DHCR24: variants seen among roughly 807,000 people sequenced by gnomAD.
DHCR24 encodes delta(24)-sterol reductase.
A neutral mutation model predicts 61.2 loss-of-function variants in DHCR24; 28 were observed. The ratio of observed to expected loss-of-function variants is 0.46; its 90% CI spans 0.34 to 0.63. DHCR24 has a LOEUF of 0.63. Ranked by LOEUF, DHCR24 falls within the 20% of genes least tolerant of loss-of-function variation. The probability of loss-of-function intolerance (pLI) is 0.01; values close to 1 mark genes in which losing one functional copy is unlikely to be tolerated. For missense variants in DHCR24, 538 were observed against 679.1 expected (o/e 0.79, Z 2.31); for synonymous variants, 261 against 275.9 (o/e 0.95, Z 0.54).
At chr1:54,867,498 G>T (rs1425740137) in intron 5 of DHCR24, among the ~76,000 whole-genome samples, 1 of 152,048 alleles carries the variant, frequency 6.6e-6, no homozygotes, top group Non-Finnish European at 1.5e-5. Context: ...GTGCCTCACA[G>T]TCTTCTCCTT....
intron 6 of DHCR24, among the ~76,000 whole-genome samples, chr1:54,864,609 G>A (rs1165358989): frequency 6.6e-6 from 1 of 152,172 alleles, no homozygotes; most frequent in Non-Finnish European, 1.5e-5. Flanking sequence ...CTACACAGAG[G>A]TAGTGGTTGC....
chr1:54,852,201 A>C lies in DHCR24; in HGVS notation c.*32T>G. ...GTGAAGGGAAGATGCCTGACCACTC[A>C]CACGTGTCTGTCTCTCCAGGCGGGC... is the stretch of plus-strand genomic sequence containing the variant. On this transcript the variant is annotated 3_prime_UTR_variant, in exon 9 of 9. Coordinates refer to ENST00000371269, the MANE Select transcript of DHCR24 (RefSeq NM_014762.4). 1 of 1,613,798 alleles carries C rather than the reference A, an allele frequency of 6.2e-7. No individual in the cohort carries two copies. The highest frequency in any genetic ancestry group is 8.5e-7 in the Non-Finnish European group (1 of 1,179,908).
intron 5 of DHCR24, among the ~76,000 whole-genome samples, chr1:54,869,042 G>A (rs745355109): frequency 6.6e-6 from 1 of 152,178 alleles, no homozygotes; most frequent in African/African-American, 2.4e-5. Flanking sequence ...ACTCCAGTCT[G>A]GGTGACAGAG....
chr1:54,853,183 T>TGG (rs11428724), intron 8 of DHCR24, among the ~76,000 whole-genome samples: 9 of 151,704 alleles, frequency 5.9e-5, no homozygotes, highest in African/African-American at 1.5e-4. Context: ...CTGGGGCTGC[T>TGG]GGGGGGGTGT....
chr1:54,864,205 T>C (rs377295294), intron 6 of DHCR24, among the ~76,000 whole-genome samples: 6 of 152,210 alleles, frequency 3.9e-5, no homozygotes, highest in African/African-American at 1.4e-4. Context: ...CCTAGTTCTA[T>C]ATCCCAAAGA....
chr1:54,884,373 G>T (rs1647081275), intron 1 of DHCR24, among the ~76,000 whole-genome samples: 1 of 152,154 alleles, frequency 6.6e-6, no homozygotes, highest in Admixed American at 6.5e-5. Context: ...ACATGCCAAG[G>T]CCTGTTTAAA....
At chr1:54,872,068 C>T (rs910529636) in intron 4 of DHCR24, among the ~76,000 whole-genome samples, 12 of 152,168 alleles carry the variant, frequency 7.9e-5, no homozygotes, top group Non-Finnish European at 1.8e-4. Context: ...AAGGCCTTTC[C>T]CAGTCCATCG....
chr1:54,876,131 C>A, intron 2 of DHCR24, 84 bp from the exon 3 acceptor site: 1 of 959,540 alleles, frequency 1.0e-6, no homozygotes, highest in South Asian at 1.3e-5. Flanking sequence ...GGTGTCATCT[C>A]AAACCTTCCC....
chr1:54,860,019 G>A (rs556951281), intron 6 of DHCR24, among the ~76,000 whole-genome samples: 7 of 152,170 alleles, frequency 4.6e-5, no homozygotes, highest in Admixed American at 1.3e-4. Flanking sequence ...TAAGACTAAT[G>A]GGTGTGGGGG....
In DHCR24 at chr1:54,849,761, C is replaced by T. The variant is rs1646864407; in HGVS notation, c.*2472G>A. 1.3e-5 allele frequency: 2 copies of T among 152,662 alleles called. No individual in the cohort carries two copies. The highest frequency in any genetic ancestry group is 2.1e-4 in the South Asian group (1 of 4,836). The allele number at this position is 152,662 out of a possible 1,614,324, so 9.5% of individuals were successfully genotyped here. A position where few individuals can be genotyped will look rare whatever the true frequency, so the allele number is the denominator to read the frequency against. ...GAAGATTCATGCCTTTCTCCTTGGCCCCCATGACCAAAGAAGAAAATAAAA... is the reference window on the plus strand; with the variant it reads ...GAAGATTCATGCCTTTCTCCTTGGCTCCCATGACCAAAGAAGAAAATAAAA... On this transcript the variant is annotated 3_prime_UTR_variant, in exon 9 of 9. Transcript: ENST00000371269.
At chr1:54,871,648 C>A (rs748700105) in intron 4 of DHCR24, 35 bp from the exon 5 acceptor site, 5 of 1,613,908 alleles carry the variant, frequency 3.1e-6, no homozygotes, top group Non-Finnish European at 4.2e-6. Context: ...TGAGCTGAAA[C>A]CTTGGGCCCC....
In DHCR24 at chr1:54,870,493, C is replaced by T. The variant is rs149258385; in HGVS notation, c.876+857G>A. Among the ~76,000 whole-genome samples the T allele has an allele frequency of 1.7e-4, 26 of 152,292 alleles. No individual in the cohort carries two copies. The East Asian group carries it at 4.3e-3, about 25-fold the overall frequency. ...AATCCATGAATGCTCAAGTCCCTTA[C>T]ATAAAATGATTTAGTATTTGCATAT... On this transcript the variant is annotated intron_variant, in intron 5 of 8. Transcript: ENST00000371269.
chr1:54,857,980 G>T (rs1029210226), intron 6 of DHCR24, among the ~76,000 whole-genome samples: 1 of 152,228 alleles, frequency 6.6e-6, no homozygotes, highest in Non-Finnish European at 1.5e-5. Context: ...TCATTCCAGG[G>T]CCTTACTCAT....
At chr1:54,861,141 C>T (rs1646935979) in intron 6 of DHCR24, among the ~76,000 whole-genome samples, 1 of 152,098 alleles carries the variant, frequency 6.6e-6, no homozygotes, top group South Asian at 2.1e-4. Flanking sequence ...CACAACATAC[C>T]CTGGAGGAGG....
chr1:54,868,341 G>A (rs1646978940), intron 5 of DHCR24, among the ~76,000 whole-genome samples: 1 of 150,944 alleles, frequency 6.6e-6, no homozygotes, highest in African/African-American at 2.4e-5. Context: ...GTGGTGGTGG[G>A]CGCCTGTAGT....
Position 54,852,076 on chromosome 1 carries a change from C to G in DHCR24, c.*157G>C, listed in dbSNP as rs1237941191. The G allele has an allele frequency of 1.2e-6, 1 of 822,554 alleles. No individual in the cohort carries two copies. The highest frequency in any genetic ancestry group is 1.7e-5 in the African/African-American group (1 of 58,696). The allele number at this position is 822,554 out of a possible 1,614,324, so 51.0% of individuals were successfully genotyped here. ...ATTCTTTCCATTCCACTGGGCTGCC[C>G]CCTGGAAGCCAGGAGGAAGGTGGTG... On this transcript the variant is annotated 3_prime_UTR_variant, in exon 9 of 9. Coordinates refer to ENST00000371269, the MANE Select transcript of DHCR24 (RefSeq NM_014762.4).
chr1:54,873,401 G>A (rs1647009794), intron 4 of DHCR24, among the ~76,000 whole-genome samples: 1 of 152,170 alleles, frequency 6.6e-6, no homozygotes, highest in African/African-American at 2.4e-5. Flanking sequence ...ATTGGTTTAT[G>A]TATTCACTAC....
At chr1:54,852,457 T>G in intron 8 of DHCR24, 71 bp from the exon 9 acceptor site, 1 of 1,546,822 alleles carries the variant, frequency 6.5e-7, no homozygotes, top group Non-Finnish European at 8.9e-7. Flanking sequence ...GAAACCCAAC[T>G]GCTCATTCTG....
chr1:54,872,316 A>G (rs976099715), intron 4 of DHCR24, among the ~76,000 whole-genome samples: 3 of 152,194 alleles, frequency 2.0e-5, no homozygotes, highest in African/African-American at 7.2e-5. Flanking sequence ...TTGTTTTGAC[A>G]TTTGTCTTGG....
Sources: allele counts gnomAD v4.1 joint callset (sites outside exome capture counted in the v4.1 genomes callset), GRCh38; gene constraint gnomAD v4.1.1; transcripts MANE v1.5; gene names NCBI Gene and HGNC (gene_info 2026-07-23, HGNC 2026-07-21).